Variants in EDA observed in about 807,000 individuals in gnomAD.
The protein encoded by EDA is ectodysplasin A, also known as ectodysplasin-A.
In EDA, 2 loss-of-function variants were observed where a neutral mutation model predicts 23.6. That is an observed-to-expected ratio of 0.08 (90% CI 0.03 to 0.27). The LOEUF (loss-of-function observed/expected upper bound fraction) is 0.27. Ranked by LOEUF, EDA falls within the 10% of genes least tolerant of loss-of-function variation. The probability of loss-of-function intolerance (pLI) is 1.00; values close to 1 mark genes in which losing one functional copy is unlikely to be tolerated. For synonymous variants in EDA, 131 were observed against 132.0 expected, an observed-to-expected ratio of 0.99 and a Z score of 0.05; for missense variants, 229 against 324.2, an observed-to-expected ratio of 0.71 and a Z score of 2.26.
In EDA at chrX:69,733,582, C is replaced by T. The variant is rs749503817; in HGVS notation, c.396+116878C>T. 1.8e-4 allele frequency among the ~76,000 whole-genome samples: 20 copies of T among 111,790 alleles called. No homozygotes were observed. In the South Asian group the frequency reaches 6.3e-3, roughly 35 times the overall value. On this transcript the variant is annotated intron_variant, in intron 1 of 7. Coordinates refer to ENST00000374552, the MANE Select transcript of EDA (RefSeq NM_001399.5). Reference sequence around the variant, plus strand: ...TTTGCTTAGGATTGTCTTGGCAATGCGGGCTCTTTTTTGGTTCCATATGAA... The same window carrying T: ...TTTGCTTAGGATTGTCTTGGCAATGTGGGCTCTTTTTTGGTTCCATATGAA...
intron 1 of EDA, among the ~76,000 whole-genome samples, chrX:69,669,699 G>C (rs770261883): frequency 2.7e-5 from 3 of 109,555 alleles, no homozygotes; most frequent in Admixed American, 9.8e-5. Flanking sequence ...AGATTCACAT[G>C]GTACATGTGT....
chrX:69,675,378 G>A (rs1934044465), intron 1 of EDA, among the ~76,000 whole-genome samples: 1 of 111,540 alleles, frequency 9.0e-6, no homozygotes, highest in Non-Finnish European at 1.9e-5. Context: ...TCCCATTAGT[G>A]TTCAATATTG....
In EDA at chrX:69,616,145, T is replaced by G. The variant is rs1931914256; in HGVS notation, c.-164T>G. 6 of 327,447 alleles carry G rather than the reference T, an allele frequency of 1.8e-5. No homozygotes were observed. The highest frequency in any genetic ancestry group is 3.4e-5 in the South Asian group (1 of 29,416). The allele number at this position is 327,447 out of a possible 1,213,427, so 27.0% of individuals were successfully genotyped here. ...CCACCCCTCGGAGTAGAGCTGCACATGCGGCTGCTCCCTGCTCCGTCCCGC... is the reference window on the plus strand; with the variant it reads ...CCACCCCTCGGAGTAGAGCTGCACAGGCGGCTGCTCCCTGCTCCGTCCCGC... On this transcript the variant is annotated 5_prime_UTR_variant, in exon 1 of 8. The change abolishes an upstream ATG in the 5' untranslated region. Coordinates refer to ENST00000374552, the MANE Select transcript of EDA (RefSeq NM_001399.5).
intron 1 of EDA, among the ~76,000 whole-genome samples, chrX:69,948,838 C>G (rs967738161): frequency 8.9e-6 from 1 of 112,106 alleles, no homozygotes; most frequent in Non-Finnish European, 1.9e-5. Flanking sequence ...TGTTGATAAT[C>G]AAAGCATGTC....
At chrX:69,659,773 G>A (rs924854999) in intron 1 of EDA, among the ~76,000 whole-genome samples, 1 of 111,445 alleles carries the variant, frequency 9.0e-6, no homozygotes, top group Non-Finnish European at 1.9e-5. Flanking sequence ...GGCAGTGTAT[G>A]GTCTAAATGA....
rs749735643 is a variant in EDA at position 69,851,026 on chromosome X, C to A, written c.397-106001C>A. 7.2e-5 allele frequency among the ~76,000 whole-genome samples: 8 copies of A among 111,461 alleles called. No homozygotes were observed. In the South Asian group the frequency reaches 3.0e-3, roughly 42 times the overall value. ...TATTTGTTTATATGTCTGACTACCC[C>A]AAATAGACTATAAACTTCTTTTGGA... On this transcript the variant is annotated intron_variant, in intron 1 of 7. Transcript: ENST00000374552.
At chrX:69,929,706 T>TG (rs373930590) in intron 1 of EDA, among the ~76,000 whole-genome samples, 4,479 of 84,281 alleles carry the variant, frequency 0.053, 136 homozygotes, top group Admixed American at 0.15. Flanking sequence ...CATTCTATTT[T>TG]TGTGTGTGTG....
At chrX:69,957,854 C>T (rs2019037958) in intron 2 of EDA, among the ~76,000 whole-genome samples, 1 of 111,894 alleles carries the variant, frequency 8.9e-6, no homozygotes. Flanking sequence ...ATAATTTTAT[C>T]AATGTTGGTA....
intron 1 of EDA, among the ~76,000 whole-genome samples, chrX:69,904,117 G>T (rs1044073987): frequency 1.8e-5 from 2 of 111,412 alleles, no homozygotes; most frequent in Non-Finnish European, 3.8e-5. Flanking sequence ...GGCCACATGT[G>T]GTATTTTGAT....
intron 1 of EDA, among the ~76,000 whole-genome samples, chrX:69,860,665 CT>C (rs2017363205): frequency 9.0e-6 from 1 of 110,586 alleles, no homozygotes; most frequent in Non-Finnish European, 1.9e-5. Context: ...AACATTTTTT[CT>C]TTCATTTCAA....
intron 1 of EDA, among the ~76,000 whole-genome samples, chrX:69,679,208 G>T (rs1228915170): frequency 9.3e-6 from 1 of 107,872 alleles, no homozygotes; most frequent in East Asian, 3.0e-4. Flanking sequence ...TTGATGTGCT[G>T]CTGGATTCGG....
Position 70,026,755 on chromosome X carries a change from AG to A in EDA, c.527-1100del, listed in dbSNP as rs747285955. ...AGATCTTTTAAAATAGAGTTTACAG[AG>A]GTCAGCTGAGAGAGTGAAACTTGCT... On this transcript the variant is annotated intron_variant, in intron 3 of 7. Coordinates refer to ENST00000374552, the MANE Select transcript of EDA (RefSeq NM_001399.5). 8.1e-5 allele frequency among the ~76,000 whole-genome samples: 9 copies of A among 111,027 alleles called. No homozygotes were observed. The South Asian group carries it at 3.5e-3, about 44-fold the overall frequency.
intron 2 of EDA, among the ~76,000 whole-genome samples, chrX:69,988,326 A>G (rs1290959261): frequency 8.9e-6 from 1 of 111,971 alleles, no homozygotes. Flanking sequence ...AATAAGACCT[A>G]GTATTTAATC....
intron 1 of EDA, among the ~76,000 whole-genome samples, chrX:69,879,998 C>A (rs2017719232): frequency 8.9e-6 from 1 of 112,356 alleles, no homozygotes; most frequent in African/African-American, 3.2e-5. Flanking sequence ...GGAAAAAAAT[C>A]ACTTTATTGT....
chrX:69,629,319 G>A (rs1169292383), intron 1 of EDA, among the ~76,000 whole-genome samples: 1 of 111,664 alleles, frequency 9.0e-6, no homozygotes, highest in African/African-American at 3.3e-5. Context: ...CTTAACTCTT[G>A]TGTGCATTCT....
chrX:69,950,115 C>T (rs2018893013), intron 1 of EDA, among the ~76,000 whole-genome samples: 1 of 81,460 alleles, frequency 1.2e-5, no homozygotes, highest in Admixed American at 1.5e-4. Context: ...TAAAGAGCTT[C>T]TGCACAGCAA....
At chrX:69,675,662 A>T (rs1402445735) in intron 1 of EDA, among the ~76,000 whole-genome samples, 11 of 110,963 alleles carry the variant, frequency 9.9e-5, no homozygotes, top group African/African-American at 3.6e-4. Flanking sequence ...GGTACTATTT[A>T]TGGAACCAAA....
intron 2 of EDA, among the ~76,000 whole-genome samples, chrX:69,972,651 C>G (rs979760765): frequency 3.6e-5 from 4 of 111,597 alleles, no homozygotes; most frequent in Non-Finnish European, 7.5e-5. Flanking sequence ...TTTGAACATG[C>G]TTCTTGATCT....
chrX:69,884,494 G>T (rs2017798593), intron 1 of EDA, among the ~76,000 whole-genome samples: 1 of 112,130 alleles, frequency 8.9e-6, no homozygotes, highest in Non-Finnish European at 1.9e-5. Flanking sequence ...CAATTTTTTA[G>T]AAACGAAGTA....
Sources: gnomAD v4.1 joint callset for allele counts (sites outside exome capture counted in the v4.1 genomes callset) on GRCh38, gnomAD v4.1.1 for gene constraint, MANE v1.5 for transcripts, NCBI Gene and HGNC (gene_info 2026-07-23, HGNC 2026-07-21) for gene names.